PEX3: variants seen among roughly 807,000 people sequenced by gnomAD.
The protein encoded by PEX3 is peroxisomal biogenesis factor 3, also known as peroxin-3.
In PEX3, 30 loss-of-function variants were observed where a neutral mutation model predicts 55.8. That is an observed-to-expected ratio of 0.54 (90% CI 0.40 to 0.73). The LOEUF (loss-of-function observed/expected upper bound fraction) is 0.73. Ranked by LOEUF, PEX3 falls within the 30% of genes least tolerant of loss-of-function variation. The pLI is 0.00. For synonymous variants in PEX3, 135 were observed against 148.4 expected (o/e 0.91, Z 0.66); for missense variants, 351 against 432.8 (o/e 0.81, Z 1.68).
At position 143,485,629 on chromosome 6, in the gene PEX3, A is replaced by C. The variant is rs150212233; in HGVS notation, c.1038+381A>C. 2.6e-3 allele frequency among the ~76,000 whole-genome samples: 397 copies of C among 152,252 alleles called. 1 individual carries two copies. Among genetic ancestry groups the C allele is most frequent in the Non-Finnish European group, 4.3e-3 (291 of 68,006 alleles). On this transcript the variant is annotated intron_variant, in intron 11 of 11. Coordinates refer to ENST00000367591, the MANE Select transcript of PEX3 (RefSeq NM_003630.3). This position sits in a 1 kb window ranked among gnomAD's most constrained non-coding sequence, Gnocchi z 5.6. ...AGGAAAACTAAAAAAATTTGTGGAG[A>C]AGTAAAGCATTTTAGTGATTAATAA...
rs201179294 is a variant in PEX3 at position 143,479,155 on chromosome 6, C to T, written c.898C>T (p.Arg300Ter). The part of the protein sequence containing the change: ...RLLDNMAEFF[R>*]PTEQDLQHGN... Reference sequence around the variant, plus strand: ...TCTAGACAATATGGCTGAGTTCTTTCGACCTACTGAACAGGACCTGCAACA... The same window carrying T: ...TCTAGACAATATGGCTGAGTTCTTTTGACCTACTGAACAGGACCTGCAACA... Residue 300 changes from arginine to a stop codon, truncating the protein, a stop_gained, in exon 10 of 12, where the codon CGA (arginine) becomes TGA (stop). Coordinates refer to ENST00000367591, the MANE Select transcript of PEX3 (RefSeq NM_003630.3). LOFTEE classifies it high-confidence loss of function. The surrounding 1 kb of genome is among the most constrained non-coding windows in gnomAD (Gnocchi z 4.6). 1.9e-6 allele frequency: 3 copies of T among 1,603,662 alleles called. No individual in the cohort carries two copies. The highest frequency in any genetic ancestry group is 1.1e-5 in the South Asian group (1 of 90,850).
In PEX3 at chr6:143,462,220, A is replaced by G. The variant is rs1779929661; in HGVS notation, c.206-696A>G. Among the ~76,000 whole-genome samples the G allele has an allele frequency of 6.6e-6, 1 of 152,200 alleles. No individual in the cohort carries two copies. The highest frequency in any genetic ancestry group is 1.5e-5 in the Non-Finnish European group (1 of 68,020). On this transcript the variant is annotated intron_variant, in intron 2 of 11. Transcript: ENST00000367591. The surrounding 1 kb of genome is among the most constrained non-coding windows in gnomAD (Gnocchi z 4.1). ...CTGGGAGTAAGAAACAATAACAAAC[A>G]ACAGCCACTGACAAAACTAAAACTA...
At chr6:143,478,819 T>C (rs1780188627) in intron 9 of PEX3, among the ~76,000 whole-genome samples, 1 of 152,156 alleles carries the variant, frequency 6.6e-6, no homozygotes, top group African/African-American at 2.4e-5. Flanking sequence ...GTACTAGTAC[T>C]GATATTTTTT....
intron 2 of PEX3, among the ~76,000 whole-genome samples, chr6:143,461,159 G>A (rs551930473): frequency 1.3e-5 from 2 of 152,308 alleles, no homozygotes; most frequent in East Asian, 3.9e-4. Flanking sequence ...ACAGTTCTAA[G>A]AAAGCATTGG....
At position 143,476,607 on chromosome 6, in the gene PEX3, T is replaced by A. The variant is rs192219247; in HGVS notation, c.818+1751T>A. 2.2e-3 allele frequency among the ~76,000 whole-genome samples: 333 copies of A among 152,274 alleles called. 1 individual carries two copies. The highest frequency in any genetic ancestry group is 7.2e-3 in the African/African-American group (301 of 41,566). ...TAAATAATAGATTTATTTTTAAGGT[T>A]GAACCAGTAGTACTTGTGGAATTAT... On this transcript the variant is annotated intron_variant, in intron 9 of 11. Transcript: ENST00000367591. This position sits in a 1 kb window ranked among gnomAD's most constrained non-coding sequence, Gnocchi z 5.4.
chr6:143,451,233 C>A lies in PEX3; in HGVS notation c.73+118C>A. ...CTGGGATATGTAGAGGGAGTTCGAT[C>A]AACCATGGGATGAAAAGGGAGGTGG... On this transcript the variant is annotated intron_variant, in intron 1 of 11. Transcript: ENST00000367591. The surrounding 1 kb of genome is among the most constrained non-coding windows in gnomAD (Gnocchi z 4.1). 1 of 802,452 alleles carries A rather than the reference C, an allele frequency of 1.2e-6. No individual in the cohort carries two copies. The highest frequency in any genetic ancestry group is 1.8e-5 in the Admixed American group (1 of 55,714). 49.7% of individuals were successfully genotyped at this position (802,452 alleles called of 1,614,324 possible).
chr6:143,474,883 AAT>A, intron 9 of PEX3, 27 bp downstream of exon 9: 2 of 1,197,238 alleles, frequency 1.7e-6, no homozygotes, highest in Non-Finnish European at 2.5e-6. Flanking sequence ...TAGCAGGAAA[AAT>A]ATGTGTGTAT....
In PEX3 at chr6:143,482,643, T is replaced by C. The variant is rs563193621; in HGVS notation, c.942-2509T>C. ...TATATAATATAAGGTATAATTATTG[T>C]TACTCATAAAATAATAGGTAAGTCA... On this transcript the variant is annotated intron_variant, in intron 10 of 11. Coordinates refer to ENST00000367591, the MANE Select transcript of PEX3 (RefSeq NM_003630.3). The surrounding 1 kb of genome is among the most constrained non-coding windows in gnomAD (Gnocchi z 5.5). Among the ~76,000 whole-genome samples the C allele has an allele frequency of 2.0e-3, 309 of 151,992 alleles. No individual in the cohort carries two copies. Among genetic ancestry groups the C allele is most frequent in the African/African-American group, 7.0e-3 (292 of 41,492 alleles).
Position 143,464,312 on chromosome 6 carries a change from C to G in PEX3, c.287+1315C>G, listed in dbSNP as rs1689639702. 1.3e-5 allele frequency among the ~76,000 whole-genome samples: 2 copies of G among 151,952 alleles called. No homozygotes were observed. The highest frequency in any genetic ancestry group is 4.8e-5 in the African/African-American group (2 of 41,412). Reference sequence around the variant, plus strand: ...AATAATCGTGGTGGCATTCTTCCTTCTTGGTGAATCTGTTTCCTGCAAGGC... The same window carrying G: ...AATAATCGTGGTGGCATTCTTCCTTGTTGGTGAATCTGTTTCCTGCAAGGC... On this transcript the variant is annotated intron_variant, in intron 3 of 11. Transcript: ENST00000367591. The surrounding 1 kb of genome is among the most constrained non-coding windows in gnomAD (Gnocchi z 5.8).
chr6:143,455,922 C>A (rs1029619799), intron 1 of PEX3, among the ~76,000 whole-genome samples: 10 of 152,026 alleles, frequency 6.6e-5, no homozygotes, highest in African/African-American at 2.4e-4. Context: ...AAATTATTAA[C>A]CTTGTGAAAT....
In PEX3 at chr6:143,480,254, C is replaced by A. The variant is rs12204971; in HGVS notation, c.941+1056C>A. Among the ~76,000 whole-genome samples the A allele has an allele frequency of 1.5e-3, 222 of 152,202 alleles. 2 individuals are homozygous for A. Among genetic ancestry groups the A allele is most frequent in the Non-Finnish European group, 3.0e-3 (204 of 67,988 alleles). ...GACCAATCCTATATACTGTATAAAT[C>A]AAGGTGCTCCAATTAGTAAAATTTC... On this transcript the variant is annotated intron_variant, in intron 10 of 11. Transcript: ENST00000367591.
chr6:143,487,817 C>T lies in PEX3; in HGVS notation c.1039-1326C>T, dbSNP rs915298470. 6.6e-6 allele frequency among the ~76,000 whole-genome samples: 1 copy of T among 151,840 alleles called. No homozygotes were observed. Among genetic ancestry groups the T allele is most frequent in the African/African-American group, 2.4e-5 (1 of 41,346 alleles). On this transcript the variant is annotated intron_variant, in intron 11 of 11. Coordinates refer to ENST00000367591, the MANE Select transcript of PEX3 (RefSeq NM_003630.3). This position sits in a 1 kb window ranked among gnomAD's most constrained non-coding sequence, Gnocchi z 5.3. Reference sequence around the variant, plus strand: ...TGGTCTTCATTTGAAAGATTTTCTGCCTCTGTTCTTCTCTCATTAGCACAA... The same window carrying T: ...TGGTCTTCATTTGAAAGATTTTCTGTCTCTGTTCTTCTCTCATTAGCACAA...
rs1779773518 is a variant in PEX3 at position 143,451,883 on chromosome 6, T to C, written c.73+768T>C. Among the ~76,000 whole-genome samples, 4 of 152,232 alleles carry C rather than the reference T, an allele frequency of 2.6e-5. No individual in the cohort carries two copies. The highest frequency in any genetic ancestry group is 2.1e-4 in the South Asian group (1 of 4,830). On this transcript the variant is annotated intron_variant, in intron 1 of 11. Coordinates refer to ENST00000367591, the MANE Select transcript of PEX3 (RefSeq NM_003630.3). The surrounding 1 kb of genome is among the most constrained non-coding windows in gnomAD (Gnocchi z 4.1). ...ATATTCAGGGATTTGAAGGAGGGAA[T>C]AAAAGTTTTGTGAATTATATGAAAA...
At position 143,485,063 on chromosome 6, in the gene PEX3, A is replaced by G; in HGVS notation, c.942-89A>G. ...TTTAATAGATTTCCAAAAATATTCT[A>G]CAATGGCTATGTATTACTTTTATAA... On this transcript the variant is annotated intron_variant, in intron 10 of 11. Transcript: ENST00000367591. This position sits in a 1 kb window ranked among gnomAD's most constrained non-coding sequence, Gnocchi z 5.6. The G allele has an allele frequency of 1.3e-6, 1 of 790,750 alleles. No homozygotes were observed. The highest frequency in any genetic ancestry group is 2.3e-6 in the Non-Finnish European group (1 of 441,998). 49.0% of individuals were successfully genotyped at this position (790,750 alleles called of 1,614,324 possible).
rs989976961 is a variant in PEX3 at position 143,453,644 on chromosome 6, A to G, written c.73+2529A>G. On this transcript the variant is annotated intron_variant, in intron 1 of 11. Coordinates refer to ENST00000367591, the MANE Select transcript of PEX3 (RefSeq NM_003630.3). The surrounding 1 kb of genome is among the most constrained non-coding windows in gnomAD (Gnocchi z 4.6). ...CAAGTAGAAAGGCTTCCTTATGAAG[A>G]TTTGCCTGACATCTTCACACTTTCC... 6.6e-6 allele frequency among the ~76,000 whole-genome samples: 1 copy of G among 152,052 alleles called. No individual in the cohort carries two copies. Among genetic ancestry groups the G allele is most frequent in the Admixed American group, 6.6e-5 (1 of 15,258 alleles).
chr6:143,477,820 A>G (rs997114189), intron 9 of PEX3, among the ~76,000 whole-genome samples: 1 of 152,114 alleles, frequency 6.6e-6, no homozygotes, highest in Non-Finnish European at 1.5e-5. Context: ...CCATTTCTTC[A>G]ACTTTCATCC....
rs183156725 is a variant in PEX3, at chr6:143,481,787, G to T, written c.941+2589G>T. ...AATCCTGATGCTTTTGGAGGCCAAGGCAGGAAGATTGCTTGAGGCAGGAAT... is the reference window on the plus strand; with the variant it reads ...AATCCTGATGCTTTTGGAGGCCAAGTCAGGAAGATTGCTTGAGGCAGGAAT... On this transcript the variant is annotated intron_variant, in intron 10 of 11. Transcript: ENST00000367591. Among the ~76,000 whole-genome samples, 5 of 151,860 alleles carry T rather than the reference G, an allele frequency of 3.3e-5. No homozygotes were observed. The East Asian group carries it at 9.7e-4, about 29-fold the overall frequency.
rs1486809223 is a variant in PEX3, at chr6:143,489,315, AT to A, written c.*90del. The A allele has an allele frequency of 5.9e-5, 45 of 767,964 alleles. No individual in the cohort carries two copies. The Admixed American group carries it at 7.2e-4, about 12-fold the overall frequency. The allele number at this position is 767,964 out of a possible 1,614,324, so 47.6% of individuals were successfully genotyped here. A position where few individuals can be genotyped will look rare whatever the true frequency, so the allele number is the denominator to read the frequency against. On this transcript the variant is annotated 3_prime_UTR_variant, in exon 12 of 12. Transcript: ENST00000367591. The surrounding 1 kb of genome is among the most constrained non-coding windows in gnomAD (Gnocchi z 5.5). ...CCTATACTTAGAGTAACAGTTTGTT[AT>A]CAAAATGCCTGATAAAATATATTCT...
In PEX3 at chr6:143,471,997, C is replaced by CCATTA. The variant is rs1389692567; in HGVS notation, c.579-162_579-161insATTAC. Among the ~76,000 whole-genome samples the CCATTA allele has an allele frequency of 6.6e-6, 1 of 152,058 alleles. No homozygotes were observed. The highest frequency in any genetic ancestry group is 1.9e-4 in the East Asian group (1 of 5,200). ...CTTTTCTTGGCTCTGTAGTAATGGC[C>CCATTA]CTTAACTAGTGGCTGATTTCGTAAT... On this transcript the variant is annotated intron_variant, in intron 7 of 11. Transcript: ENST00000367591. The surrounding 1 kb of genome is among the most constrained non-coding windows in gnomAD (Gnocchi z 5.4).
Sources: allele counts gnomAD v4.1 joint callset (sites outside exome capture counted in the v4.1 genomes callset), GRCh38; gene constraint gnomAD v4.1.1; non-coding constraint Gnocchi (gnomAD v3.1); transcripts MANE v1.5; gene names NCBI Gene and HGNC (gene_info 2026-07-23, HGNC 2026-07-21).